The following ATP10A variants were observed in gnomAD, a reference collection of about 807,000 sequenced individuals.
The protein encoded by ATP10A is ATPase phospholipid transporting 10A (putative).
Under a neutral mutation model 147.8 loss-of-function variants are expected in ATP10A, and 111 were observed. The observed-to-expected ratio is 0.75, with a 90% confidence interval of 0.64 to 0.88. The LOEUF (loss-of-function observed/expected upper bound fraction) is 0.88. ATP10A is among the 40% of genes least tolerant of loss of function. The pLI, the probability that ATP10A is intolerant of heterozygous loss-of-function variation, is 0.00. For synonymous variants in ATP10A, 875 were observed against 841.6 expected, an observed-to-expected ratio of 1.04 and a Z score of -0.69; for missense variants, 1,927 against 1,959.0, an observed-to-expected ratio of 0.98 and a Z score of 0.31.
At chr15:25,786,236 C>T (rs1319449883) in intron 1 of ATP10A, among the ~76,000 whole-genome samples, 1 of 152,194 alleles carries the variant, frequency 6.6e-6, no homozygotes, top group Non-Finnish European at 1.5e-5. Context: ...ACACAGGGTT[C>T]CTGGGTGCCT....
At chr15:25,684,615 G>A (rs1305882966) in intron 16 of ATP10A, among the ~76,000 whole-genome samples, 2 of 152,186 alleles carry the variant, frequency 1.3e-5, no homozygotes, top group Non-Finnish European at 2.9e-5. Flanking sequence ...CTTGGCTGAG[G>A]TCACGGTGTG....
intron 2 of ATP10A, among the ~76,000 whole-genome samples, chr15:25,762,574 C>G (rs1275334380): frequency 2.6e-5 from 4 of 151,614 alleles, no homozygotes; most frequent in African/African-American, 9.7e-5. Context: ...AGTCACTGTG[C>G]CCAAGCCTAT....
chr15:25,742,948 C>T (rs527991500), intron 2 of ATP10A, among the ~76,000 whole-genome samples: 2 of 152,230 alleles, frequency 1.3e-5, no homozygotes, highest in African/African-American at 4.8e-5. Flanking sequence ...CCTCTTCCAT[C>T]ACTACAGGTG....
chr15:25,736,410 G>A (rs1887283610), intron 2 of ATP10A, among the ~76,000 whole-genome samples: 1 of 152,226 alleles, frequency 6.6e-6, no homozygotes, highest in African/African-American at 2.4e-5. Context: ...ATTGCAAAAT[G>A]AGAGAACAGG....
At chr15:25,798,093 C>G (rs1890767220) in intron 1 of ATP10A, among the ~76,000 whole-genome samples, 1 of 152,030 alleles carries the variant, frequency 6.6e-6, no homozygotes, top group South Asian at 2.1e-4. Context: ...GAGGGAGGCC[C>G]TGGGTTGCAT....
chr15:25,694,826 C>A lies in ATP10A; in HGVS notation c.3081G>T (p.Leu1027=), dbSNP rs1259074779. ...GCCAGCTGGGATACTTGCCTATGGC[C>A]AGGGTCATGGCCTTGAGCTTGCTCC... ...LVRSKLKAMT[L]AIGDGANDVS... The change falls in exon 14 of 21, where the codon CTG becomes CTT. Residue 1027 remains leucine (L), a synonymous_variant. Coordinates refer to ENST00000555815, the MANE Select transcript of ATP10A (RefSeq NM_024490.4). 1 of 1,607,246 alleles carries A rather than the reference C, an allele frequency of 6.2e-7. No homozygotes were observed. Among genetic ancestry groups the A allele is most frequent in the Non-Finnish European group, 8.5e-7 (1 of 1,175,202 alleles).
chr15:25,789,197 A>T (rs1567385723), intron 1 of ATP10A, among the ~76,000 whole-genome samples: 1 of 152,132 alleles, frequency 6.6e-6, no homozygotes, highest in Non-Finnish European at 1.5e-5. Context: ...CCTGGGCTCA[A>T]ATATCCACCT....
chr15:25,862,332 A>G, intron 1 of ATP10A: 1 of 566,778 alleles, frequency 1.8e-6, no homozygotes. Context: ...TTCAGGTGGG[A>G]GCGGCTGTGG....
intron 1 of ATP10A, among the ~76,000 whole-genome samples, chr15:25,811,452 G>T (rs1173719898): frequency 1.3e-5 from 2 of 152,160 alleles, no homozygotes; most frequent in African/African-American, 4.8e-5. Flanking sequence ...AAAACAAATG[G>T]CATGGAACAT....
chr15:25,821,166 A>G (rs1367912828), intron 1 of ATP10A, among the ~76,000 whole-genome samples: 1 of 152,190 alleles, frequency 6.6e-6, no homozygotes, highest in Non-Finnish European at 1.5e-5. Flanking sequence ...CTTGGAAGCT[A>G]AGACACGTGG....
intron 2 of ATP10A, among the ~76,000 whole-genome samples, chr15:25,768,413 C>T (rs1021095487): frequency 2.0e-5 from 3 of 152,176 alleles, no homozygotes; most frequent in African/African-American, 4.8e-5. Flanking sequence ...AGAGGCAAAG[C>T]TCCTGGCTGG....
In ATP10A at chr15:25,786,617, C is replaced by CTTTTT. The variant is rs35892408; in HGVS notation, c.450-5399_450-5395dup. Among the ~76,000 whole-genome samples the CTTTTT allele has an allele frequency of 2.9e-3, 198 of 68,902 alleles. 37 individuals are homozygous for CTTTTT. The highest frequency in any genetic ancestry group is 9.5e-3 in the African/African-American group (152 of 15,924). 45.2% of individuals were successfully genotyped at this position (68,902 alleles called of 152,430 possible). ...CTCAGCATTGAGACATCATTATCAT[C>CTTTTT]TTTTTTTTTTTTTTTTTTTTTTTTT... On this transcript the variant is annotated intron_variant, in intron 1 of 20. Transcript: ENST00000555815.
chr15:25,849,523 C>A (rs1893186490), intron 1 of ATP10A, among the ~76,000 whole-genome samples: 1 of 152,186 alleles, frequency 6.6e-6, no homozygotes, highest in African/African-American at 2.4e-5. Flanking sequence ...CCCAAGGGCG[C>A]ATTATGAAGG....
At position 25,731,125 on chromosome 15, in the gene ATP10A, C is replaced by T. The variant is rs547672369; in HGVS notation, c.741-3859G>A. 9.7e-4 allele frequency among the ~76,000 whole-genome samples: 148 copies of T among 152,300 alleles called. 1 individual carries two copies. The highest frequency in any genetic ancestry group is 3.4e-3 in the African/African-American group (142 of 41,574). The stretch of plus-strand genomic sequence containing the variant: ...CTCTGAAGGGTGTCACCCACCAGGG[C>T]GAAGAGCCTACTCCAAAATGCAGCT... On this transcript the variant is annotated intron_variant, in intron 3 of 20. Transcript: ENST00000555815.
chr15:25,798,194 T>G (rs2317393), intron 1 of ATP10A, among the ~76,000 whole-genome samples: 123,624 of 151,926 alleles, frequency 0.81, 50,468 homozygotes, highest in African/African-American at 0.85. Context: ...CCCTGGCAGG[T>G]GAGATGGACC....
chr15:25,739,471 A>G (rs532318777), intron 2 of ATP10A, among the ~76,000 whole-genome samples: 1 of 152,300 alleles, frequency 6.6e-6, no homozygotes, highest in Non-Finnish European at 1.5e-5. Context: ...GCAAGTGAAG[A>G]GAGGGCATTT....
At chr15:25,785,919 C>T (rs1016333450) in intron 1 of ATP10A, among the ~76,000 whole-genome samples, 5 of 152,230 alleles carry the variant, frequency 3.3e-5, no homozygotes, top group African/African-American at 1.2e-4. Flanking sequence ...ACTTTGAGTT[C>T]AAGAAGCTGG....
Position 25,766,290 on chromosome 15 carries a change from A to G in ATP10A, c.654+14729T>C, listed in dbSNP as rs146449679. On this transcript the variant is annotated intron_variant, in intron 2 of 20. Coordinates refer to ENST00000555815, the MANE Select transcript of ATP10A (RefSeq NM_024490.4). ...GTTGAGATTTGGGTGGGGACAAACC[A>G]TATCAGCAGATACTGAAACTGAGGC... 3.3e-3 allele frequency among the ~76,000 whole-genome samples: 500 copies of G among 152,288 alleles called. 3 individuals carry two copies. Among genetic ancestry groups the G allele is most frequent in the African/African-American group, 0.012 (490 of 41,550 alleles).
intron 14 of ATP10A, among the ~76,000 whole-genome samples, chr15:25,693,323 T>C (rs998743346): frequency 6.6e-6 from 1 of 152,140 alleles, no homozygotes; most frequent in Non-Finnish European, 1.5e-5. Flanking sequence ...TGCCCAGCCA[T>C]GTGCTGATGT....
Sources: allele counts gnomAD v4.1 joint callset (sites outside exome capture counted in the v4.1 genomes callset), GRCh38; gene constraint gnomAD v4.1.1; transcripts MANE v1.5; gene names NCBI Gene and HGNC (gene_info 2026-07-23, HGNC 2026-07-21).